The following HS3ST3A1 variants were observed in gnomAD, a reference collection of about 807,000 sequenced individuals.
The protein encoded by HS3ST3A1 is heparan sulfate-glucosamine 3-sulfotransferase 3A1.
Under a neutral mutation model 25.7 loss-of-function variants are expected in HS3ST3A1, and 19 were observed. The observed-to-expected ratio is 0.74, with a 90% CI of 0.52 to 1.08. The LOEUF is 1.08. Among genes scored for constraint, HS3ST3A1 ranks in the 50% least tolerant of loss-of-function variants. HS3ST3A1 has a pLI of 0.00. For synonymous variants in HS3ST3A1, 226 were observed against 278.6 expected (o/e 0.81, Z 1.88); for missense variants, 459 against 594.3 (o/e 0.77, Z 2.37).
chr17:13,578,968 T>C (rs1474148882), intron 1 of HS3ST3A1, among the ~76,000 whole-genome samples: 1 of 152,216 alleles, frequency 6.6e-6, no homozygotes, highest in South Asian at 2.1e-4. Context: ...TAGGAAAACA[T>C]TTATTACTAG....
chr17:13,509,701 T>C (rs141644604), intron 1 of HS3ST3A1, among the ~76,000 whole-genome samples: 1 of 152,328 alleles, frequency 6.6e-6, no homozygotes, highest in East Asian at 1.9e-4. Flanking sequence ...GTGCAAGGAC[T>C]GTATTCTTCC....
Position 13,496,193 on chromosome 17 carries a change from A to G in HS3ST3A1, c.*4T>C, listed in dbSNP as rs1179063736. The G allele has an allele frequency of 2.5e-6, 4 of 1,583,340 alleles. No individual in the cohort carries two copies. Among genetic ancestry groups the G allele is most frequent in the Non-Finnish European group, 3.4e-6 (4 of 1,166,946 alleles). On this transcript the variant is annotated 3_prime_UTR_variant, in exon 2 of 2. Transcript: ENST00000284110. ...GATTTTTTTTTTCTTTTTAAATTAT[A>G]TGGTTATCCATCCCAGCCAAAGTCG...
At chr17:13,600,174 G>A (rs1253957331) in intron 1 of HS3ST3A1, among the ~76,000 whole-genome samples, 1 of 151,948 alleles carries the variant, frequency 6.6e-6, no homozygotes, top group Non-Finnish European at 1.5e-5. Context: ...GAAGGAGAAG[G>A]CAATCTATTA....
Position 13,526,472 on chromosome 17 carries a change from TTTTATATA to T in HS3ST3A1, c.600-29662_600-29655del, listed in dbSNP as rs1376634708. Among the ~76,000 whole-genome samples, 220 of 58,360 alleles carry T rather than the reference TTTTATATA, an allele frequency of 3.8e-3. 4 individuals carry two copies. The highest frequency in any genetic ancestry group is 0.016 in the East Asian group (30 of 1,898). 38.3% of individuals were successfully genotyped at this position (58,360 alleles called of 152,430 possible). A position where few individuals can be genotyped will look rare whatever the true frequency, so the allele number is the denominator to read the frequency against. On this transcript the variant is annotated intron_variant, in intron 1 of 1. Transcript: ENST00000284110. ...TATTGAACTTGGATACAACTTTAATTTTTATATATATATATATATATATATATATATAT... is the reference window on the plus strand; with the variant it reads ...TATTGAACTTGGATACAACTTTAATTTATATATATATATATATATATATAT...
intron 1 of HS3ST3A1, among the ~76,000 whole-genome samples, chr17:13,512,305 C>CAAAAAAAAAAAAAAAAAAAAAAAAAAAAA (rs67523378): frequency 1.2e-5 from 1 of 82,102 alleles, no homozygotes; most frequent in African/African-American, 6.0e-5. Flanking sequence ...GACTCCGTCT[C>CAAAAAAAAAAAAAAAAAAAAAAAAAAAAA]AAAAAAAAAA....
chr17:13,596,577 G>A (rs929859000), intron 1 of HS3ST3A1, among the ~76,000 whole-genome samples: 5 of 151,472 alleles, frequency 3.3e-5, no homozygotes, highest in African/African-American at 1.2e-4. Context: ...GAATGTCTAG[G>A]TACTGAGAAC....
chr17:13,525,996 A>G (rs1017071704), intron 1 of HS3ST3A1, among the ~76,000 whole-genome samples: 1 of 152,098 alleles, frequency 6.6e-6, no homozygotes, highest in African/African-American at 2.4e-5. Flanking sequence ...CTAAGCCCCC[A>G]GCTGTACTTG....
chr17:13,520,268 T>C (rs576473675), intron 1 of HS3ST3A1, among the ~76,000 whole-genome samples: 10 of 152,366 alleles, frequency 6.6e-5, no homozygotes, highest in African/African-American at 2.4e-4. Flanking sequence ...AGTATGCTAT[T>C]ATTTTCTCAT....
intron 1 of HS3ST3A1, among the ~76,000 whole-genome samples, chr17:13,513,277 C>A (rs1030939752): frequency 6.6e-6 from 1 of 152,234 alleles, no homozygotes; most frequent in Admixed American, 6.5e-5. Flanking sequence ...CGCCTCACAT[C>A]TGTGTGACGG....
chr17:13,572,079 C>T (rs895500492), intron 1 of HS3ST3A1, among the ~76,000 whole-genome samples: 1 of 152,146 alleles, frequency 6.6e-6, no homozygotes, highest in African/African-American at 2.4e-5. Flanking sequence ...TTAAAAAACA[C>T]AGAGACTCCA....
chr17:13,575,781 G>C (rs115923279), intron 1 of HS3ST3A1, among the ~76,000 whole-genome samples: 4 of 152,176 alleles, frequency 2.6e-5, no homozygotes, highest in African/African-American at 9.7e-5. Context: ...ATTAACTGTC[G>C]TTCCCATCAA....
rs1207855924 is a variant in HS3ST3A1, at chr17:13,558,272, T to A, written c.599+42259A>T. On this transcript the variant is annotated intron_variant, in intron 1 of 1. Transcript: ENST00000284110. ...CCATTGCACACCAGACTGGACAACA[T>A]AGTGAGACACTGTCTCTAAAACAAA... 2.0e-5 allele frequency among the ~76,000 whole-genome samples: 3 copies of A among 152,054 alleles called. No homozygotes were observed. In the South Asian group the frequency reaches 6.2e-4, roughly 32 times the overall value.
intron 1 of HS3ST3A1, among the ~76,000 whole-genome samples, chr17:13,549,163 C>T (rs1429546335): frequency 1.3e-5 from 2 of 152,188 alleles, no homozygotes; most frequent in African/African-American, 2.4e-5. Flanking sequence ...GATCACGAAC[C>T]CACTGGGAGG....
At chr17:13,561,507 C>T (rs1031655902) in intron 1 of HS3ST3A1, among the ~76,000 whole-genome samples, 3 of 152,084 alleles carry the variant, frequency 2.0e-5, no homozygotes, top group Non-Finnish European at 2.9e-5. Context: ...CTGCCTCAGC[C>T]TCCCAAGGAG....
chr17:13,507,725 T>A (rs963986869), intron 1 of HS3ST3A1, among the ~76,000 whole-genome samples: 1 of 152,238 alleles, frequency 6.6e-6, no homozygotes, highest in African/African-American at 2.4e-5. Context: ...GTACTTTTTT[T>A]AAGTCTATAC....
chr17:13,515,671 G>C (rs931946475), intron 1 of HS3ST3A1, among the ~76,000 whole-genome samples: 1 of 152,050 alleles, frequency 6.6e-6, no homozygotes, highest in African/African-American at 2.4e-5. Flanking sequence ...GAGCAAAATT[G>C]CTGGGTCATT....
chr17:13,560,319 A>AAAAAAT (rs1907502490), intron 1 of HS3ST3A1, among the ~76,000 whole-genome samples: 1 of 143,922 alleles, frequency 6.9e-6, no homozygotes, highest in African/African-American at 2.6e-5. Flanking sequence ...AAAAAAAAAA[A>AAAAAAT]GTGTATTACC....
chr17:13,497,580 T>A (rs947547890), intron 1 of HS3ST3A1, among the ~76,000 whole-genome samples: 5 of 152,200 alleles, frequency 3.3e-5, no homozygotes, highest in Admixed American at 2.6e-4. Context: ...AAAACAAAAA[T>A]CCAGTTGGAG....
intron 1 of HS3ST3A1, among the ~76,000 whole-genome samples, chr17:13,501,294 A>G (rs923762443): frequency 1.3e-5 from 2 of 150,754 alleles, no homozygotes; most frequent in African/African-American, 2.5e-5. Flanking sequence ...GATTAATCAC[A>G]TAACAACGTG....
Sources: allele counts gnomAD v4.1 joint callset (sites outside exome capture counted in the v4.1 genomes callset), GRCh38; gene constraint gnomAD v4.1.1; transcripts MANE v1.5; gene names NCBI Gene and HGNC (gene_info 2026-07-23, HGNC 2026-07-21).